Variants in RUNX1T1 observed in about 807,000 individuals in gnomAD.
RUNX1T1 encodes RUNX1 partner transcriptional co-repressor 1.
In RUNX1T1, 4 loss-of-function variants were observed where a neutral mutation model predicts 62.8. The observed-to-expected ratio is 0.06, with a 90% CI of 0.03 to 0.15. The LOEUF is 0.15. Ranked by LOEUF, RUNX1T1 falls within the 10% of genes least tolerant of loss-of-function variation. The pLI is 1.00. For missense variants in RUNX1T1, 508 were observed against 754.3 expected, an observed-to-expected ratio of 0.67 and a Z score of 3.82; for synonymous variants, 291 against 286.0, an observed-to-expected ratio of 1.02 and a Z score of -0.18.
chr8:92,062,585 T>C, exon 1 of RUNX1T1: 1 of 1,614,078 alleles, frequency 6.2e-7, no homozygotes, highest in Non-Finnish European at 8.5e-7. Context: ...AGAAAGTGGC[T>C]GTCTCCTAAA....
chr8:92,102,771 G>T, upstream of RUNX1T1: 2 of 1,329,380 alleles, frequency 1.5e-6, no homozygotes, highest in Non-Finnish European at 2.0e-6. The surrounding 1 kb of genome is among the most constrained non-coding windows in gnomAD (Gnocchi z 4.5). Flanking sequence ...AAACGAAGAT[G>T]ACGGTCATCG....
chr8:91,970,860 T>C lies in RUNX1T1; in HGVS notation c.1268-12A>G. 4 of 1,598,334 alleles carry C rather than the reference T, an allele frequency of 2.5e-6. No individual in the cohort carries two copies. The highest frequency in any genetic ancestry group is 3.4e-6 in the Non-Finnish European group (4 of 1,174,242). On this transcript the variant is annotated splice_polypyrimidine_tract_variant and intron_variant, in intron 9 of 10. Transcript: ENST00000396218. ...ATTGACGGCCTCCTCTGTGTGCCAG[T>C]CAGGCCAAACCAGACAAGAAAACAC...
chr8:92,072,419 TAAG>T (rs1310117265), intron 2 of RUNX1T1, among the ~76,000 whole-genome samples: 2 of 152,232 alleles, frequency 1.3e-5, no homozygotes, highest in Admixed American at 1.3e-4. Flanking sequence ...CTTTAAAAGA[TAAG>T]AAAGTGGTAT....
At chr8:92,041,412 T>C (rs931251103) in intron 1 of RUNX1T1, among the ~76,000 whole-genome samples, 2 of 152,202 alleles carry the variant, frequency 1.3e-5, no homozygotes, top group African/African-American at 4.8e-5. Context: ...AAATATTTGA[T>C]GGTTGATTGG....
intron 1 of RUNX1T1, among the ~76,000 whole-genome samples, chr8:92,024,090 C>T (rs7832917): frequency 0.23 from 35,338 of 152,008 alleles, 4,333 homozygotes; most frequent in African/African-American, 0.31. Flanking sequence ...TTGTCATATC[C>T]GTAAAATTCC....
At chr8:91,995,548 A>G (rs530033616) in intron 5 of RUNX1T1, among the ~76,000 whole-genome samples, 14 of 152,286 alleles carry the variant, frequency 9.2e-5, no homozygotes, top group African/African-American at 3.1e-4. Context: ...GGCACTTTGG[A>G]AGGCTCAGGA....
intron 3 of RUNX1T1, among the ~76,000 whole-genome samples, chr8:92,011,485 C>T (rs545875014): frequency 1.6e-3 from 247 of 152,324 alleles, no homozygotes; most frequent in African/African-American, 5.3e-3. Flanking sequence ...TGTCAGAATT[C>T]TCAGTCAAGA....
intron 2 of RUNX1T1, among the ~76,000 whole-genome samples, chr8:92,073,355 A>G (rs1451976671): frequency 2.6e-5 from 4 of 152,058 alleles, no homozygotes; most frequent in Non-Finnish European, 5.9e-5. Context: ...CCCCTTTAGT[A>G]TCATTTCCCA....
At chr8:92,012,752 C>CA (rs34797716) in intron 3 of RUNX1T1, among the ~76,000 whole-genome samples, 31,231 of 138,926 alleles carry the variant, frequency 0.22, 3,329 homozygotes, top group African/African-American at 0.24. Context: ...ATCACTCCCT[C>CA]AAAAAAAAAA....
At chr8:92,026,804 A>G (rs1825255757) in intron 1 of RUNX1T1, among the ~76,000 whole-genome samples, 1 of 150,014 alleles carries the variant, frequency 6.7e-6, no homozygotes. Context: ...CCTGGGCAAG[A>G]GAGCGAGACC....
At chr8:91,958,084 A>G (rs1446076292), downstream of RUNX1T1, 1 of 178,776 alleles carries the variant, frequency 5.6e-6, no homozygotes, top group Non-Finnish European at 1.2e-5. Flanking sequence ...CAAGGCCTAC[A>G]TTTAACCCTC....
At chr8:92,043,989 A>C (rs1329207242) in intron 1 of RUNX1T1, among the ~76,000 whole-genome samples, 1 of 152,030 alleles carries the variant, frequency 6.6e-6, no homozygotes, top group Admixed American at 6.6e-5. Context: ...AAAAAAAAAA[A>C]AAAAAAAACC....
chr8:92,081,007 T>C (rs935678487), intron 1 of RUNX1T1, among the ~76,000 whole-genome samples: 7 of 152,178 alleles, frequency 4.6e-5, no homozygotes, highest in Admixed American at 1.3e-4. Context: ...TTTCAAAAAA[T>C]AAAGTGTTAT....
At chr8:91,954,999 CCTTGG>C (rs1809140927), downstream of RUNX1T1, 1 of 197,132 alleles carries the variant, frequency 5.1e-6, no homozygotes, top group South Asian at 1.9e-4. Flanking sequence ...TATTTATTCA[CCTTGG>C]AATAAGGGTA....
chr8:92,059,039 T>A (rs1023779753), intron 1 of RUNX1T1, among the ~76,000 whole-genome samples: 1 of 152,158 alleles, frequency 6.6e-6, no homozygotes, highest in Non-Finnish European at 1.5e-5. Flanking sequence ...TCTGAAATAT[T>A]AACAGAAAAG....
At chr8:92,033,885 T>C (rs1329804102) in intron 1 of RUNX1T1, among the ~76,000 whole-genome samples, 2 of 152,008 alleles carry the variant, frequency 1.3e-5, no homozygotes, top group East Asian at 3.9e-4. Flanking sequence ...AGAAGAATTG[T>C]TTGAACCTGG....
upstream of RUNX1T1, among the ~76,000 whole-genome samples, chr8:92,100,536 T>C (rs1322218171): frequency 6.6e-6 from 1 of 152,140 alleles, no homozygotes; most frequent in African/African-American, 2.4e-5. Flanking sequence ...TTTAAAATAA[T>C]AAACCAACAA....
At chr8:92,076,531 A>G (rs1377187593) in intron 1 of RUNX1T1, among the ~76,000 whole-genome samples, 2 of 152,174 alleles carry the variant, frequency 1.3e-5, no homozygotes, top group Non-Finnish European at 2.9e-5. Flanking sequence ...ATTATTATTT[A>G]TGGAATTTTA....
chr8:91,975,969 C>T (rs373940653), exon 9 of RUNX1T1: 9 of 1,611,122 alleles, frequency 5.6e-6, no homozygotes, highest in African/African-American at 1.3e-5. Flanking sequence ...ATTCCCGATG[C>T]GCGTCTATGA....
Sources: gnomAD v4.1 joint callset for allele counts (sites outside exome capture counted in the v4.1 genomes callset) on GRCh38, gnomAD v4.1.1 for gene constraint, Gnocchi (gnomAD v3.1) non-coding constraint, MANE v1.5 for transcripts, NCBI Gene and HGNC (gene_info 2026-07-23, HGNC 2026-07-21) for gene names.